The following MMP9 variants were observed in gnomAD, a reference collection of about 807,000 sequenced individuals.
MMP9 encodes the protein matrix metalloproteinase-9.
In MMP9, 73 loss-of-function variants were observed where a neutral mutation model predicts 76.4. The observed-to-expected ratio is 0.96, with a 90% CI of 0.79 to 1.16. MMP9 has a LOEUF of 1.16. Among genes scored for constraint, MMP9 ranks in the 50% most tolerant of loss-of-function variants. The pLI is 0.00. For missense variants in MMP9, 943 were observed against 973.0 expected (o/e 0.97, Z 0.41); for synonymous variants, 412 against 408.4 (o/e 1.01, Z -0.11).
rs1215978549 is a variant in MMP9, at chr20:46,013,678, G to A, written c.1632G>A (p.Glu544=). ...FKDGKYWRFS[E]GRGSRPQGPF... is the part of the protein sequence containing the mutation. The stretch of plus-strand genomic sequence containing the variant: ...TCAGGAAGTACTGGCGATTCTCTGA[G>A]GGCAGGGGGAGCCGGCCGCAGGGCC... The change falls in exon 10 of 13, where the codon GAG becomes GAA. Residue 544 remains glutamate, a synonymous_variant. Coordinates refer to ENST00000372330, the MANE Select transcript of MMP9 (RefSeq NM_004994.3). The surrounding 1 kb of genome is among the most constrained non-coding windows in gnomAD (Gnocchi z 4.5). The A allele has an allele frequency of 3.7e-6, 6 of 1,614,064 alleles. No individual in the cohort carries two copies. Among genetic ancestry groups the A allele is most frequent in the Non-Finnish European group, 5.1e-6 (6 of 1,179,992 alleles).
At chr20:46,010,726 C>T (rs1167760069) in intron 3 of MMP9, 95 bp downstream of exon 3, 6 of 1,545,184 alleles carry the variant, frequency 3.9e-6, no homozygotes, top group East Asian at 4.8e-5. Flanking sequence ...CCCCGGCTTC[C>T]TCTTGCCTGC....
chr20:46,011,819 C>T (rs1392514091), intron 6 of MMP9, 72 bp downstream of exon 6: 2 of 1,522,334 alleles, frequency 1.3e-6, no homozygotes, highest in African/African-American at 2.7e-5. Context: ...CGCGGCTCTT[C>T]CCTCCCATCA....
Position 46,010,487 on chromosome 20 carries a change from C to T in MMP9, c.376C>T (p.Gln126Ter). The stretch of plus-strand genomic sequence containing the variant: ...CCTCTGGCTCTTACGCTACAGGATC[C>T]AAAACTACTCGGAAGACTTGCCGCG... ...WHHHNITYWIQNYSEDLPRAV... is the reference protein window; with the variant it reads ...WHHHNITYWI Residue 126 changes from glutamine to a stop codon, truncating the protein, a stop_gained, in exon 3 of 13, where the codon CAA becomes TAA. Transcript: ENST00000372330. LOFTEE classifies it high-confidence loss of function. 1 of 1,614,116 alleles carries T rather than the reference C, an allele frequency of 6.2e-7. No homozygotes were observed. The highest frequency in any genetic ancestry group is 8.5e-7 in the Non-Finnish European group (1 of 1,180,032).
chr20:46,012,322 G>T lies in MMP9; in HGVS notation c.1174+9G>T. 15 of 1,612,792 alleles carry T rather than the reference G, an allele frequency of 9.3e-6. No individual in the cohort carries two copies. The highest frequency in any genetic ancestry group is 1.3e-5 in the Non-Finnish European group (15 of 1,179,926). On this transcript the variant is annotated intron_variant, in intron 7 of 12. Transcript: ENST00000372330. ...CTTCTGCCCGGACCAAGGTAGGCGT[G>T]GTCCCGCGGCTCCGGGGCTGGGGTT... is the stretch of plus-strand genomic sequence containing the variant.
rs1467620220 is a variant in MMP9 at position 46,013,646 on chromosome 20, C to T, written c.1611-11C>T. On this transcript the variant is annotated splice_polypyrimidine_tract_variant and intron_variant, in intron 9 of 12. Coordinates refer to ENST00000372330, the MANE Select transcript of MMP9 (RefSeq NM_004994.3). The surrounding 1 kb of genome is among the most constrained non-coding windows in gnomAD (Gnocchi z 4.5). ...GCTTAGAGCCCGTCCTTTCCCTCCTCGCTTTCTCAGGAAGTACTGGCGATT... is the reference window on the plus strand; with the variant it reads ...GCTTAGAGCCCGTCCTTTCCCTCCTTGCTTTCTCAGGAAGTACTGGCGATT... The T allele has an allele frequency of 1.9e-6, 3 of 1,614,130 alleles. No individual in the cohort carries two copies. Among genetic ancestry groups the T allele is most frequent in the East Asian group, 2.2e-5 (1 of 44,872 alleles).
In MMP9 at chr20:46,013,286, A is replaced by AACC; in HGVS notation, c.1371_1373dup (p.Thr458dup). ...GCCCTGAACCTGAGCCACGGCCTCC[A>AACC]ACCACCACCACACCGCAGCCCACGG... On this transcript the variant is annotated inframe_insertion, in exon 9 of 13. Coordinates refer to ENST00000372330, the MANE Select transcript of MMP9 (RefSeq NM_004994.3). The surrounding 1 kb of genome is among the most constrained non-coding windows in gnomAD (Gnocchi z 4.5). The AACC allele has an allele frequency of 1.9e-6, 3 of 1,613,950 alleles. No individual in the cohort carries two copies. The highest frequency in any genetic ancestry group is 1.7e-6 in the Non-Finnish European group (2 of 1,179,966).
At chr20:46,009,503 C>G (rs922058514) in intron 1 of MMP9, among the ~76,000 whole-genome samples, 1 of 151,986 alleles carries the variant, frequency 6.6e-6, no homozygotes, top group Non-Finnish European at 1.5e-5. Context: ...AATGTTAGTC[C>G]CTGCTGGGCA....
At chr20:46,014,556 AAAGCCCT>A in intron 12 of MMP9, 82 bp downstream of exon 12, 1 of 1,391,204 alleles carries the variant, frequency 7.2e-7, no homozygotes, top group Non-Finnish European at 9.9e-7. Context: ...CGAGGAAGAA[AAAGCCCT>A]TGGAAATGGA....
rs199564350 is a variant in MMP9 at position 46,011,212 on chromosome 20, C to G, written c.719C>G (p.Ser240Cys). 25 of 1,613,900 alleles carry G rather than the reference C, an allele frequency of 1.5e-5. No homozygotes were observed. Among genetic ancestry groups the G allele is most frequent in the Non-Finnish European group, 1.9e-5 (22 of 1,180,056 alleles). The stretch of plus-strand genomic sequence containing the variant: ...TTCCCCTTCATCTTCGAGGGCCGCT[C>G]CTACTCTGCCTGCACCACCGACGGT... Reference protein sequence around the residue: ...CHFPFIFEGRSYSACTTDGRS... With the variant: ...CHFPFIFEGRCYSACTTDGRS... The change falls in exon 5 of 13, where the codon TCC becomes TGC. Residue 240 changes from serine (S) to cysteine (C), a missense_variant. Coordinates refer to ENST00000372330, the MANE Select transcript of MMP9 (RefSeq NM_004994.3).
chr20:46,013,547 G>C lies in MMP9; in HGVS notation c.1610+13G>C. ...TGTTCAAGGATGGGTGAGGAGGCGG[G>C]GTTGTGTGGATGCGGGAGGGGGCTT... is the stretch of plus-strand genomic sequence containing the variant. On this transcript the variant is annotated intron_variant, in intron 9 of 12. Coordinates refer to ENST00000372330, the MANE Select transcript of MMP9 (RefSeq NM_004994.3). The surrounding 1 kb of genome is among the most constrained non-coding windows in gnomAD (Gnocchi z 4.5). 2 of 1,613,180 alleles carry C rather than the reference G, an allele frequency of 1.2e-6. No homozygotes were observed. The highest frequency in any genetic ancestry group is 1.7e-6 in the Non-Finnish European group (2 of 1,179,346).
At position 46,013,337 on chromosome 20, in the gene MMP9, A is replaced by C. The variant is rs199654705; in HGVS notation, c.1413A>C (p.Gly471=). The change falls in exon 9 of 13, where the codon GGA becomes GGC. Residue 471 remains glycine, a synonymous_variant. Coordinates refer to ENST00000372330, the MANE Select transcript of MMP9 (RefSeq NM_004994.3). The surrounding 1 kb of genome is among the most constrained non-coding windows in gnomAD (Gnocchi z 4.5). ...CTCCCCCGACGGTCTGCCCCACCGG[A>C]CCCCCCACTGTCCACCCCTCAGAGC... ...PTAPPTVCPT[G]PPTVHPSERP... The C allele has an allele frequency of 1.8e-5, 29 of 1,603,164 alleles. No homozygotes were observed. The highest frequency in any genetic ancestry group is 1.6e-4 in the Middle Eastern group (1 of 6,070).
In MMP9 at chr20:46,010,632, G is replaced by A; in HGVS notation, c.520+1G>A. The A allele has an allele frequency of 1.2e-6, 2 of 1,612,436 alleles. No individual in the cohort carries two copies. The highest frequency in any genetic ancestry group is 1.7e-6 in the Non-Finnish European group (2 of 1,179,100). On this transcript the variant is annotated splice_donor_variant, in intron 3 of 12. Transcript: ENST00000372330. LOFTEE classifies it high-confidence loss of function. The stretch of plus-strand genomic sequence containing the variant: ...ATCGTCATCCAGTTTGGTGTCGCGG[G>A]TGAGAACGTGAGGAGGGAAAATCCA...
At chr20:46,011,119 C>T (rs1362861098) in intron 4 of MMP9, 24 bp from the exon 5 acceptor site, 6 of 1,613,956 alleles carry the variant, frequency 3.7e-6, no homozygotes, top group Non-Finnish European at 5.1e-6. Context: ...GCCGCCCTAA[C>T]TCCGGTCCCC....
rs142807270 is a variant in MMP9 at position 46,009,055 on chromosome 20, G to A, written c.129G>A (p.Gln43=). Residue 43 remains glutamine, a synonymous_variant, in exon 1 of 13, where the codon CAG becomes CAA. Coordinates refer to ENST00000372330, the MANE Select transcript of MMP9 (RefSeq NM_004994.3). ...TGAGAACCAATCTCACCGACAGGCA[G>A]CTGGCAGAGGTGGGCAAACACCTAG... ...GDLRTNLTDR[Q]LAEEYLYRYG... is the part of the protein sequence containing the mutation. The A allele has an allele frequency of 4.3e-6, 7 of 1,613,624 alleles. No individual in the cohort carries two copies. Among genetic ancestry groups the A allele is most frequent in the South Asian group, 1.1e-5 (1 of 90,988 alleles).
rs569058657 is a variant in MMP9, at chr20:46,010,735, G to A, written c.520+104G>A. ...CAGTGGCCCCGGCTTCCTCTTGCCT[G>A]CCCGCGCTGCCCTGGCTTATACGGC... On this transcript the variant is annotated intron_variant, in intron 3 of 12. Coordinates refer to ENST00000372330, the MANE Select transcript of MMP9 (RefSeq NM_004994.3). 30 of 1,540,740 alleles carry A rather than the reference G, an allele frequency of 1.9e-5. No homozygotes were observed. The South Asian group carries it at 3.0e-4, about 15-fold the overall frequency.
chr20:46,016,408 C>A lies in MMP9; in HGVS notation c.*40C>A. 1 of 1,514,116 alleles carries A rather than the reference C, an allele frequency of 6.6e-7. No individual in the cohort carries two copies. The highest frequency in any genetic ancestry group is 9.2e-7 in the Non-Finnish European group (1 of 1,089,046). The allele number at this position is 1,514,116 out of a possible 1,614,324, so 93.8% of individuals were successfully genotyped here. On this transcript the variant is annotated 3_prime_UTR_variant, in exon 13 of 13. Transcript: ENST00000372330. ...TTTGGCAGTGCCATGTAAATCCCCA[C>A]TGGGACCAACCCTGGGGAAGGAGCC...
chr20:46,016,428 G>C lies in MMP9; in HGVS notation c.*60G>C. On this transcript the variant is annotated 3_prime_UTR_variant, in exon 13 of 13. Coordinates refer to ENST00000372330, the MANE Select transcript of MMP9 (RefSeq NM_004994.3). ...CCCCACTGGGACCAACCCTGGGGAA[G>C]GAGCCAGTTTGCCGGATACAAACTG... The C allele has an allele frequency of 7.2e-7, 1 of 1,389,978 alleles. No individual in the cohort carries two copies. Among genetic ancestry groups the C allele is most frequent in the Non-Finnish European group, 1.0e-6 (1 of 975,942 alleles). 86.1% of individuals were successfully genotyped at this position (1,389,978 alleles called of 1,614,324 possible).
rs373331430 is a variant in MMP9, at chr20:46,009,900, C to T, written c.173C>T (p.Ala58Val). The T allele has an allele frequency of 5.2e-6, 8 of 1,552,046 alleles. No homozygotes were observed. The highest frequency in any genetic ancestry group is 3.3e-4 in the Middle Eastern group (2 of 6,016). Reference protein sequence around the residue: ...YLYRYGYTRVAEMRGESKSLG... With the variant: ...YLYRYGYTRVVEMRGESKSLG... ...TACCGCTATGGTTACACTCGGGTGG[C>T]AGAGATGCGTGGAGAGTCGAAATCT... Residue 58 changes from alanine to valine, a missense_variant, in exon 2 of 13, where the codon GCA (alanine) becomes GTA (valine). Coordinates refer to ENST00000372330, the MANE Select transcript of MMP9 (RefSeq NM_004994.3).
At chr20:46,012,702 A>T in intron 8 of MMP9, 120 bp downstream of exon 8, 1 of 1,429,834 alleles carries the variant, frequency 7.0e-7, no homozygotes, top group Non-Finnish European at 9.5e-7. Context: ...TGGGACCTCA[A>T]CGTCTGTCTG....
Sources: allele counts gnomAD v4.1 joint callset (sites outside exome capture counted in the v4.1 genomes callset), GRCh38; gene constraint gnomAD v4.1.1; non-coding constraint Gnocchi (gnomAD v3.1); transcripts MANE v1.5; gene names NCBI Gene and HGNC (gene_info 2026-07-23, HGNC 2026-07-21).